The following CLVS1 variants were observed in gnomAD, a reference collection of about 807,000 sequenced individuals.
CLVS1 encodes clavesin 1.
A neutral mutation model predicts 33.1 loss-of-function variants in CLVS1; 10 were observed. The ratio of observed to expected loss-of-function variants is 0.30; its 90% CI spans 0.19 to 0.51. The LOEUF is 0.51. CLVS1 is among the 20% of genes least tolerant of loss of function. The pLI, the probability that CLVS1 is intolerant of heterozygous loss-of-function variation, is 0.97. For missense variants in CLVS1, 343 were observed against 433.4 expected, an observed-to-expected ratio of 0.79 and a Z score of 1.85; for synonymous variants, 163 against 166.1, an observed-to-expected ratio of 0.98 and a Z score of 0.14.
At chr8:61,148,732 T>C (rs925540893) in intron 2 of CLVS1, among the ~76,000 whole-genome samples, 3 of 152,198 alleles carry the variant, frequency 2.0e-5, no homozygotes, top group Non-Finnish European at 4.4e-5. Flanking sequence ...TCTATCCCAC[T>C]TTGAAGAGTG....
chr8:61,249,030 C>T (rs1331996854), intron 2 of CLVS1, among the ~76,000 whole-genome samples: 3 of 152,192 alleles, frequency 2.0e-5, no homozygotes, highest in South Asian at 2.1e-4. Context: ...CTGTCACCTA[C>T]GTTAGATATT....
chr8:60,980,235 T>C, the CLVS1 span, among the ~76,000 whole-genome samples: 107 of 152,370 alleles, frequency 7.0e-4, no homozygotes, highest in Non-Finnish European at 1.1e-3. Flanking sequence ...GGAAAACTTA[T>C]AAGGCTTTGC....
chr8:61,467,183 C>T (rs779884048), intron 5 of CLVS1, among the ~76,000 whole-genome samples: 1 of 152,170 alleles, frequency 6.6e-6, no homozygotes, highest in Non-Finnish European at 1.5e-5. Flanking sequence ...TTCCCTGGAG[C>T]TGAATCCATC....
At chr8:61,220,718 G>A (rs1369140799) in intron 2 of CLVS1, among the ~76,000 whole-genome samples, 1 of 151,934 alleles carries the variant, frequency 6.6e-6, no homozygotes, top group Non-Finnish European at 1.5e-5. Flanking sequence ...TAGTTTGATG[G>A]GAATAGAATT....
Position 61,356,813 on chromosome 8 carries a change from G to T in CLVS1, c.456-19792G>T, listed in dbSNP as rs139046419. Among the ~76,000 whole-genome samples, 479 of 152,270 alleles carry T rather than the reference G, an allele frequency of 3.1e-3. 2 individuals are homozygous for T. Among genetic ancestry groups the T allele is most frequent in the African/African-American group, 0.01 (436 of 41,550 alleles). ...ACCAGTACCATGCTGTTTTGTTACT[G>T]TAGCCTTGTAATATAGTTTGAAGTC... On this transcript the variant is annotated intron_variant, in intron 2 of 5. Coordinates refer to ENST00000325897, the MANE Select transcript of CLVS1 (RefSeq NM_173519.3).
chr8:61,139,723 C>T (rs7017483), intron 2 of CLVS1, among the ~76,000 whole-genome samples: 101,783 of 151,718 alleles, frequency 0.67, 36,429 homozygotes, highest in East Asian at 0.97. Flanking sequence ...GGTCGGGGTC[C>T]GCTTCCGCGT....
intron 2 of CLVS1, among the ~76,000 whole-genome samples, chr8:61,191,247 G>A (rs1431668664): frequency 6.6e-6 from 1 of 152,084 alleles, no homozygotes; most frequent in African/African-American, 2.4e-5. Context: ...ACGTAATCCA[G>A]CATGTAAACA....
chr8:61,073,109 T>C (rs72654622), intron 1 of CLVS1, among the ~76,000 whole-genome samples: 1,691 of 152,340 alleles, frequency 0.011, 14 homozygotes, highest in Non-Finnish European at 0.019. Context: ...AATTTCTTAC[T>C]ACACTCCTTC....
intron 1 of CLVS1, among the ~76,000 whole-genome samples, chr8:61,127,440 G>A (rs1563413052): frequency 1.3e-5 from 2 of 152,134 alleles, no homozygotes; most frequent in Non-Finnish European, 2.9e-5. Context: ...GCTGGTCTAT[G>A]AACTCCTGAC....
chr8:61,302,025 C>T (rs994297929), intron 2 of CLVS1, among the ~76,000 whole-genome samples: 3 of 152,042 alleles, frequency 2.0e-5, no homozygotes, highest in South Asian at 2.1e-4. Context: ...TATATCAACC[C>T]CCATAACCAT....
intron 2 of CLVS1, among the ~76,000 whole-genome samples, chr8:61,249,425 G>T (rs1011273545): frequency 2.6e-5 from 4 of 152,104 alleles, no homozygotes; most frequent in African/African-American, 4.8e-5. Flanking sequence ...TAATCCTTTG[G>T]ATATATACCC....
upstream of CLVS1, among the ~76,000 whole-genome samples, chr8:61,287,477 C>T (rs563634625): frequency 3.1e-4 from 47 of 152,110 alleles, no homozygotes; most frequent in East Asian, 7.3e-3. Flanking sequence ...TCAAACTTAC[C>T]GATCTTTTTC....
intron 2 of CLVS1, among the ~76,000 whole-genome samples, chr8:61,161,238 C>T (rs1429013767): frequency 6.6e-6 from 1 of 152,068 alleles, no homozygotes; most frequent in African/African-American, 2.4e-5. Context: ...TAAATTTGTA[C>T]ACTTATTATG....
chr8:61,181,520 C>T (rs570685459), intron 2 of CLVS1, among the ~76,000 whole-genome samples: 1 of 152,036 alleles, frequency 6.6e-6, no homozygotes, highest in East Asian at 1.9e-4. Context: ...ACCTGTATAG[C>T]CAAGACAATT....
At chr8:61,476,290 G>A (rs1388454170) in intron 5 of CLVS1, among the ~76,000 whole-genome samples, 1 of 152,092 alleles carries the variant, frequency 6.6e-6, no homozygotes, top group African/African-American at 2.4e-5. Flanking sequence ...GCTCTTTTTG[G>A]GTTCCATATG....
At chr8:61,434,606 C>T (rs547500896) in intron 3 of CLVS1, among the ~76,000 whole-genome samples, 1 of 152,128 alleles carries the variant, frequency 6.6e-6, no homozygotes, top group Non-Finnish European at 1.5e-5. Flanking sequence ...AAGAGGGGGG[C>T]TTCCAGGCTA....
chr8:61,416,248 A>T (rs2129604333), intron 3 of CLVS1, among the ~76,000 whole-genome samples: 1 of 152,270 alleles, frequency 6.6e-6, no homozygotes, highest in East Asian at 1.9e-4. Flanking sequence ...CTAGATTTCA[A>T]CAATGGTTTC....
intron 3 of CLVS1, among the ~76,000 whole-genome samples, chr8:61,445,001 T>C (rs1386550602): frequency 6.6e-6 from 1 of 152,162 alleles, no homozygotes; most frequent in African/African-American, 2.4e-5. Flanking sequence ...TCTCTGGGAA[T>C]CAACTAGTTG....
At chr8:61,402,886 A>G (rs1814824739) in intron 3 of CLVS1, among the ~76,000 whole-genome samples, 1 of 152,264 alleles carries the variant, frequency 6.6e-6, no homozygotes. Context: ...TACATTGTGC[A>G]TACATACACT....
Sources: allele counts gnomAD v4.1 joint callset (sites outside exome capture counted in the v4.1 genomes callset), GRCh38; gene constraint gnomAD v4.1.1; transcripts MANE v1.5; gene names NCBI Gene and HGNC (gene_info 2026-07-23, HGNC 2026-07-21).